PRKG1: variants seen among roughly 807,000 people sequenced by gnomAD.
The protein encoded by PRKG1 is protein kinase cGMP-dependent 1.
In PRKG1, 35 loss-of-function variants were observed where a neutral mutation model predicts 88.1. The observed-to-expected ratio is 0.40, with a 90% CI of 0.30 to 0.53. The LOEUF (loss-of-function observed/expected upper bound fraction) is 0.53, where lower values mean the gene tolerates loss of function less well. PRKG1 is among the 20% of genes least tolerant of loss of function. The pLI is 0.59. For synonymous variants in PRKG1, 303 were observed against 292.5 expected (o/e 1.04, Z -0.37); for missense variants, 540 against 839.8 (o/e 0.64, Z 4.41).
chr10:51,797,594 AAT>A (rs1380889095), intron 3 of PRKG1, among the ~76,000 whole-genome samples: 2 of 147,502 alleles, frequency 1.4e-5, no homozygotes, highest in African/African-American at 4.9e-5. Flanking sequence ...ATAAATATCT[AAT>A]ATATAAATAT....
At chr10:51,926,681 C>T (rs899413992) in intron 5 of PRKG1, among the ~76,000 whole-genome samples, 4 of 151,712 alleles carry the variant, frequency 2.6e-5, no homozygotes, top group Non-Finnish European at 5.9e-5. Flanking sequence ...TCCTGTCCTG[C>T]CTGCTTGTAG....
At chr10:51,200,957 T>C (rs1213914591) in intron 2 of PRKG1, among the ~76,000 whole-genome samples, 2 of 152,180 alleles carry the variant, frequency 1.3e-5, no homozygotes, top group African/African-American at 2.4e-5. Flanking sequence ...TTTCTGTAAA[T>C]ATTTATTGCC....
At chr10:52,106,288 C>T (rs1391756431) in intron 7 of PRKG1, among the ~76,000 whole-genome samples, 1 of 152,010 alleles carries the variant, frequency 6.6e-6, no homozygotes, top group Non-Finnish European at 1.5e-5. Flanking sequence ...GTTTCTAGAC[C>T]GGGGTTGCCA....
chr10:51,041,756 C>G (rs1315922408), intron 1 of PRKG1, among the ~76,000 whole-genome samples: 2 of 152,148 alleles, frequency 1.3e-5, no homozygotes, highest in Admixed American at 6.5e-5. Flanking sequence ...TGGAGGAAAT[C>G]AGAATGTTAC....
intron 5 of PRKG1, among the ~76,000 whole-genome samples, chr10:51,918,999 G>C (rs1176033726): frequency 6.6e-6 from 1 of 152,140 alleles, no homozygotes; most frequent in Non-Finnish European, 1.5e-5. Context: ...AATCAGTTGG[G>C]CTTTCAGTTT....
intron 9 of PRKG1, among the ~76,000 whole-genome samples, chr10:52,196,011 G>T (rs937204560): frequency 6.6e-5 from 10 of 151,468 alleles, no homozygotes; most frequent in Admixed American, 6.6e-4. Context: ...AATGTTTTTT[G>T]TTTTTTGTTT....
At chr10:51,865,944 T>C (rs7095967) in intron 4 of PRKG1, among the ~76,000 whole-genome samples, 13,481 of 151,990 alleles carry the variant, frequency 0.089, 743 homozygotes, top group African/African-American at 0.14. Context: ...AGTATTGTAT[T>C]GGAATTTTTC....
intron 2 of PRKG1, among the ~76,000 whole-genome samples, chr10:51,231,049 C>G (rs950811243): frequency 2.6e-4 from 40 of 152,134 alleles, no homozygotes; most frequent in African/African-American, 9.2e-4. Context: ...TCCTAGTCAG[C>G]TAGGTTGGCT....
At chr10:52,101,943 T>C (rs1252005785) in intron 7 of PRKG1, among the ~76,000 whole-genome samples, 1 of 152,190 alleles carries the variant, frequency 6.6e-6, no homozygotes, top group Non-Finnish European at 1.5e-5. Flanking sequence ...ATAGCCTAAC[T>C]CTATTTTGTG....
At chr10:51,703,302 AAAGAC>A (rs1841519851) in intron 3 of PRKG1, among the ~76,000 whole-genome samples, 1 of 152,244 alleles carries the variant, frequency 6.6e-6, no homozygotes, top group Admixed American at 6.5e-5. Context: ...GACAAATTCC[AAAGAC>A]AAGAACTACA....
At chr10:52,155,822 A>AAGACCCT (rs1392858490) in intron 8 of PRKG1, among the ~76,000 whole-genome samples, 1 of 151,910 alleles carries the variant, frequency 6.6e-6, no homozygotes, top group Non-Finnish European at 1.5e-5. Context: ...TCAACTTAAC[A>AAGACCCT]AGACCCTGTC....
intron 5 of PRKG1, among the ~76,000 whole-genome samples, chr10:52,033,347 T>C (rs1845518754): frequency 6.6e-6 from 1 of 152,172 alleles, no homozygotes; most frequent in South Asian, 2.1e-4. Flanking sequence ...TCAAAGTTGA[T>C]AAAACAACAG....
intron 2 of PRKG1, among the ~76,000 whole-genome samples, chr10:51,275,491 G>A (rs576210437): frequency 6.6e-6 from 1 of 152,300 alleles, no homozygotes; most frequent in South Asian, 2.1e-4. Context: ...TGAGTTGGGT[G>A]CAAAGGGAGT....
At chr10:51,308,180 C>T (rs1478011475) in intron 2 of PRKG1, among the ~76,000 whole-genome samples, 7 of 151,972 alleles carry the variant, frequency 4.6e-5, no homozygotes, top group Non-Finnish European at 7.4e-5. Context: ...ACCATTTTTT[C>T]GCTTTATTAC....
At chr10:51,572,081 T>C (rs1837768894) in intron 3 of PRKG1, among the ~76,000 whole-genome samples, 1 of 151,916 alleles carries the variant, frequency 6.6e-6, no homozygotes, top group Non-Finnish European at 1.5e-5. Flanking sequence ...GTTGTCACAT[T>C]TGAACACATA....
chr10:51,725,726 T>C (rs1180938305), intron 3 of PRKG1, among the ~76,000 whole-genome samples: 1 of 151,882 alleles, frequency 6.6e-6, no homozygotes, highest in Non-Finnish European at 1.5e-5. Context: ...CTCCACCTCC[T>C]GGGCTCAAGC....
intron 4 of PRKG1, among the ~76,000 whole-genome samples, chr10:51,838,945 C>T (rs1840198779): frequency 1.3e-5 from 2 of 152,106 alleles, no homozygotes; most frequent in Non-Finnish European, 2.9e-5. Context: ...TGTATAATGG[C>T]TGTATAATGG....
intron 1 of PRKG1, among the ~76,000 whole-genome samples, chr10:51,030,317 A>C (rs1404467522): frequency 6.6e-6 from 1 of 152,162 alleles, no homozygotes; most frequent in East Asian, 1.9e-4. Flanking sequence ...TAAATATCTA[A>C]ATATGTGAAT....
intron 2 of PRKG1, among the ~76,000 whole-genome samples, chr10:51,403,610 T>G (rs149163533): frequency 2.5e-3 from 375 of 152,266 alleles, no homozygotes; most frequent in African/African-American, 8.5e-3. Context: ...AAGTAAGTAA[T>G]AGAGCCAAGA....
Sources: gnomAD v4.1 joint callset for allele counts (sites outside exome capture counted in the v4.1 genomes callset) on GRCh38, gnomAD v4.1.1 for gene constraint, MANE v1.5 for transcripts, NCBI Gene and HGNC (gene_info 2026-07-23, HGNC 2026-07-21) for gene names.